The following GDA variants were observed in gnomAD, a reference collection of about 807,000 sequenced individuals.
GDA encodes guanine deaminase, also known as cytoplasmic PSD-95 interactor.
A neutral mutation model predicts 59.6 loss-of-function variants in GDA; 18 were observed. The ratio of observed to expected loss-of-function variants is 0.30; its 90% CI spans 0.21 to 0.45. The LOEUF (loss-of-function observed/expected upper bound fraction) is 0.45. GDA is among the 20% of genes least tolerant of loss of function. The pLI is 1.00. For synonymous variants in GDA, 201 were observed against 201.1 expected, an observed-to-expected ratio of 1.00 and a Z score of 0.00; for missense variants, 427 against 552.3, an observed-to-expected ratio of 0.77 and a Z score of 2.27.
In GDA at chr9:72,251,962, A is replaced by G. The variant is rs183763664; in HGVS notation, c.*3620A>G. On this transcript the variant is annotated 3_prime_UTR_variant, in exon 14 of 14. Transcript: ENST00000358399. ...CCACAGGGTTCAAATGACTTGGGTA[A>G]CAGAAGTTATTCTTAGCTTACCTGT... The G allele has an allele frequency of 6.6e-6, 1 of 152,482 alleles. No individual in the cohort carries two copies. Among genetic ancestry groups the G allele is most frequent in the Admixed American group, 6.5e-5 (1 of 15,296 alleles). The allele number at this position is 152,482 out of a possible 1,614,324, so 9.4% of individuals were successfully genotyped here.
At position 72,241,329 on chromosome 9, in the gene GDA, A is replaced by G. The variant is rs757615039; in HGVS notation, c.1135+31A>G. 10 of 1,523,526 alleles carry G rather than the reference A, an allele frequency of 6.6e-6. No homozygotes were observed. In the East Asian group the frequency reaches 1.1e-4, roughly 17 times the overall value. 94.4% of individuals were successfully genotyped at this position (1,523,526 alleles called of 1,614,324 possible). ...GACTCTTACATTTTTCTCTCACACA[A>G]TATACAACCATGCTGATCGGTGTCT... On this transcript the variant is annotated intron_variant, in intron 11 of 13. Coordinates refer to ENST00000358399, the MANE Select transcript of GDA (RefSeq NM_004293.5).
At chr9:72,140,557 T>C (rs1826405817) in intron 1 of GDA, among the ~76,000 whole-genome samples, 2 of 152,190 alleles carry the variant, frequency 1.3e-5, no homozygotes, top group South Asian at 4.1e-4. Context: ...TTAGCTGGTT[T>C]TTGATTGATT....
chr9:72,250,509 C>A lies in GDA; in HGVS notation c.*2167C>A. On this transcript the variant is annotated 3_prime_UTR_variant, in exon 14 of 14. Transcript: ENST00000358399. ...GGATGTGTTGAAATATTTATATGTA[C>A]TTTGATCTCTCCACATCACTTATAA... is the stretch of plus-strand genomic sequence containing the variant. The A allele has an allele frequency of 7.2e-7, 1 of 1,382,502 alleles. No homozygotes were observed. Among genetic ancestry groups the A allele is most frequent in the African/African-American group, 1.5e-5 (1 of 68,578 alleles). The allele number at this position is 1,382,502 out of a possible 1,614,324, so 85.6% of individuals were successfully genotyped here.
At chr9:72,147,996 G>A (rs560313140), upstream of GDA, among the ~76,000 whole-genome samples, 58 of 152,292 alleles carry the variant, frequency 3.8e-4, no homozygotes, top group South Asian at 0.011. Flanking sequence ...AAAGTGCCTG[G>A]TAAACCAGGA....
intron 1 of GDA, among the ~76,000 whole-genome samples, chr9:72,188,162 G>A (rs1223747677): frequency 1.3e-5 from 2 of 152,186 alleles, no homozygotes; most frequent in Non-Finnish European, 2.9e-5. Context: ...CAACAAAAAA[G>A]CATTCTAGTG....
intron 6 of GDA, among the ~76,000 whole-genome samples, chr9:72,221,918 C>G (rs1587705666): frequency 6.6e-6 from 1 of 152,192 alleles, no homozygotes; most frequent in African/African-American, 2.4e-5. Context: ...GCATAGTATT[C>G]CATGGTGTAT....
At chr9:72,195,667 A>C (rs996772505) in intron 2 of GDA, 79 bp downstream of exon 2, 1 of 496,320 alleles carries the variant, frequency 2.0e-6, no homozygotes, top group African/African-American at 2.0e-5. Context: ...AGAGACAGAG[A>C]GACTTTAAAA....
At chr9:72,243,695 T>C (rs1409242060) in intron 11 of GDA, among the ~76,000 whole-genome samples, 2 of 152,230 alleles carry the variant, frequency 1.3e-5, no homozygotes, top group African/African-American at 4.8e-5. Flanking sequence ...ATAAAAGAGT[T>C]GCCCTTTAAA....
At chr9:72,213,357 G>T (rs112683600) in intron 4 of GDA, among the ~76,000 whole-genome samples, 1 of 152,158 alleles carries the variant, frequency 6.6e-6, no homozygotes, top group African/African-American at 2.4e-5. Context: ...TTAAAGTGAT[G>T]AATAGAAAAA....
chr9:72,227,955 C>A lies in GDA; in HGVS notation c.835C>A (p.His279Asn). 6.2e-7 allele frequency: 1 copy of A among 1,600,056 alleles called. No individual in the cohort carries two copies. The highest frequency in any genetic ancestry group is 8.6e-7 in the Non-Finnish European group (1 of 1,167,912). Residue 279 changes from histidine to asparagine, a missense_variant, in exon 9 of 14, where the codon CAC (histidine) becomes AAC (asparagine). By Grantham distance (68) the His-to-Asn change is moderately conservative. Transcript: ENST00000358399. ...NLLTNKTVMA[H>N]GCYLSAEELN... ...CTCTTCTCTCCAGACAGTGATGGCA[C>A]ACGGCTGCTACCTCTCTGCAGAAGA...
intron 1 of GDA, among the ~76,000 whole-genome samples, chr9:72,160,956 G>A (rs1828547399): frequency 6.6e-6 from 1 of 152,138 alleles, no homozygotes; most frequent in African/African-American, 2.4e-5. Context: ...TCCACAGGCA[G>A]AGTGCAGTGG....
At chr9:72,252,380 A>T (rs1840763430), downstream of GDA, among the ~76,000 whole-genome samples, 1 of 152,208 alleles carries the variant, frequency 6.6e-6, no homozygotes, top group Non-Finnish European at 1.5e-5. Flanking sequence ...CTAACATCCT[A>T]TAATAGTCAC....
At chr9:72,214,013 A>G (rs376451676) in intron 5 of GDA, 22 bp downstream of exon 5, 3 of 1,306,348 alleles carry the variant, frequency 2.3e-6, no homozygotes, top group South Asian at 1.2e-5. Flanking sequence ...ATTTGTCTTG[A>G]TTTGTCTTAC....
At chr9:72,160,274 A>G (rs1436491286) in intron 1 of GDA, among the ~76,000 whole-genome samples, 1 of 152,170 alleles carries the variant, frequency 6.6e-6, no homozygotes, top group Non-Finnish European at 1.5e-5. Flanking sequence ...GCGCTACTGC[A>G]CTCCAGCCTG....
chr9:72,250,667 T>C lies in GDA; in HGVS notation c.*2325T>C. On this transcript the variant is annotated 3_prime_UTR_variant, in exon 14 of 14. Transcript: ENST00000358399. ...AAATGTTGCCTTTGCCTAATGTAGG[T>C]TGACTTTCTGAATTGTGGAGAGGCA... The C allele has an allele frequency of 6.2e-7, 1 of 1,608,824 alleles. No homozygotes were observed. Among genetic ancestry groups the C allele is most frequent in the Admixed American group, 1.7e-5 (1 of 59,826 alleles).
intron 1 of GDA, among the ~76,000 whole-genome samples, chr9:72,144,151 G>A (rs899339252): frequency 8.5e-5 from 13 of 152,216 alleles, no homozygotes; most frequent in Admixed American, 7.9e-4. Context: ...GAGCCTGGGA[G>A]GCAGAGGTTG....
chr9:72,170,959 G>A (rs542018452), intron 1 of GDA, among the ~76,000 whole-genome samples: 181 of 152,232 alleles, frequency 1.2e-3, no homozygotes, highest in African/African-American at 4.2e-3. Context: ...TGGGACTACA[G>A]GCGTGCACCA....
In GDA at chr9:72,248,741, T is replaced by G. The variant is rs1840406565; in HGVS notation, c.*399T>G. 9.9e-7 allele frequency: 1 copy of G among 1,005,188 alleles called. No individual in the cohort carries two copies. Among genetic ancestry groups the G allele is most frequent in the African/African-American group, 1.7e-5 (1 of 57,700 alleles). The allele number at this position is 1,005,188 out of a possible 1,614,324, so 62.3% of individuals were successfully genotyped here. A position where few individuals can be genotyped will look rare whatever the true frequency, so the allele number is the denominator to read the frequency against. ...ATTGCAAAAATTAGAAGACTGAAAA[T>G]GGACCCATGAGAGTATATTTTTATG... is the stretch of plus-strand genomic sequence containing the variant. On this transcript the variant is annotated 3_prime_UTR_variant, in exon 14 of 14. Coordinates refer to ENST00000358399, the MANE Select transcript of GDA (RefSeq NM_004293.5).
chr9:72,169,718 C>T (rs1372544510), intron 1 of GDA, among the ~76,000 whole-genome samples: 4 of 152,140 alleles, frequency 2.6e-5, no homozygotes, highest in Non-Finnish European at 4.4e-5. Context: ...CAACATTTTG[C>T]GTTTCTGTTA....
Sources: allele counts gnomAD v4.1 joint callset (sites outside exome capture counted in the v4.1 genomes callset), GRCh38; gene constraint gnomAD v4.1.1; transcripts MANE v1.5; gene names NCBI Gene and HGNC (gene_info 2026-07-23, HGNC 2026-07-21).